Variants in FRMD4B observed in about 807,000 individuals in gnomAD.
FRMD4B encodes FERM domain containing 4B.
A neutral mutation model predicts 141.5 loss-of-function variants in FRMD4B; 74 were observed. The observed-to-expected ratio is 0.52, with a 90% CI of 0.43 to 0.63. The LOEUF is 0.63. Among genes scored for constraint, FRMD4B ranks in the 30% least tolerant of loss-of-function variants. The probability of loss-of-function intolerance (pLI) is 0.00; values close to 1 mark genes in which losing one functional copy is unlikely to be tolerated. For synonymous variants in FRMD4B, 506 were observed against 467.9 expected (o/e 1.08, Z -1.05); for missense variants, 1,366 against 1,253.4 (o/e 1.09, Z -1.36).
chr3:69,530,700 C>T (rs751029405), intron 1 of FRMD4B, among the ~76,000 whole-genome samples: 17 of 152,190 alleles, frequency 1.1e-4, no homozygotes, highest in Non-Finnish European at 1.9e-4. Context: ...CCTCTGACTG[C>T]AAGTTTCTTG....
At chr3:69,204,554 T>A (rs1332101244) in intron 11 of FRMD4B, among the ~76,000 whole-genome samples, 1 of 152,228 alleles carries the variant, frequency 6.6e-6, no homozygotes, top group Non-Finnish European at 1.5e-5. Context: ...TATTGATTTA[T>A]TCTTTTTTCA....
chr3:69,335,355 T>C (rs560570084), intron 1 of FRMD4B, among the ~76,000 whole-genome samples: 119 of 145,950 alleles, frequency 8.2e-4, no homozygotes, highest in Non-Finnish European at 1.6e-3. Flanking sequence ...TGCATAACTT[T>C]TTTTTTTCAT....
Position 69,489,561 on chromosome 3 carries a change from G to A in FRMD4B, c.-129+52645C>T, listed in dbSNP as rs945638367. ...TTGCTACTTTATACCCACTAGAATGGCTATAATAAAAAAGACAGATAATAA... is the reference window on the plus strand; with the variant it reads ...TTGCTACTTTATACCCACTAGAATGACTATAATAAAAAAGACAGATAATAA... On this transcript the variant is annotated intron_variant, in intron 1 of 5. Transcript: ENST00000459638. Among the ~76,000 whole-genome samples, 3 of 152,046 alleles carry A rather than the reference G, an allele frequency of 2.0e-5. No individual in the cohort carries two copies. In the East Asian group the frequency reaches 5.8e-4, roughly 29 times the overall value.
rs558265100 is a variant in FRMD4B, at chr3:69,229,724, T to C, written c.582-5034A>G. Among the ~76,000 whole-genome samples, 6 of 152,268 alleles carry C rather than the reference T, an allele frequency of 3.9e-5. No individual in the cohort carries two copies. In the East Asian group the frequency reaches 9.6e-4, roughly 24 times the overall value. On this transcript the variant is annotated intron_variant, in intron 7 of 22. Transcript: ENST00000398540. Reference sequence around the variant, plus strand: ...AATTAAATCCTCAATTAATTACCAATACACAATGGAGTCTCACTCTGTCGC... The same window carrying C: ...AATTAAATCCTCAATTAATTACCAACACACAATGGAGTCTCACTCTGTCGC...
At chr3:69,483,380 G>A (rs1575586725) in intron 1 of FRMD4B, among the ~76,000 whole-genome samples, 2 of 152,286 alleles carry the variant, frequency 1.3e-5, no homozygotes, top group East Asian at 3.9e-4. Context: ...CTTATGAAGT[G>A]CTTACACTGA....
At chr3:69,428,024 T>C (rs1218548821) in intron 2 of FRMD4B, among the ~76,000 whole-genome samples, 3 of 152,108 alleles carry the variant, frequency 2.0e-5, no homozygotes, top group African/African-American at 7.2e-5. Context: ...ATATTTCAAG[T>C]TAACAAGCAT....
At chr3:69,487,280 T>A (rs528332792) in intron 1 of FRMD4B, among the ~76,000 whole-genome samples, 6 of 152,328 alleles carry the variant, frequency 3.9e-5, no homozygotes, top group Admixed American at 3.9e-4. Flanking sequence ...TAACTTTAAA[T>A]CTTCAAAAGC....
Position 69,541,795 on chromosome 3 carries a change from C to A in FRMD4B, c.-129+411G>T, listed in dbSNP as rs115639029. On this transcript the variant is annotated intron_variant, in intron 1 of 5. Coordinates refer to the FRMD4B transcript ENST00000459638. ...TCTGCTAACTCCAGGGATTTCCCCCCCCTCTTTTCGCTGCCTTTTAGAAGT... is the reference window on the plus strand; with the variant it reads ...TCTGCTAACTCCAGGGATTTCCCCCACCTCTTTTCGCTGCCTTTTAGAAGT... Among the ~76,000 whole-genome samples, 1,058 of 151,652 alleles carry A rather than the reference C, an allele frequency of 7.0e-3. 10 individuals carry two copies. Among genetic ancestry groups the A allele is most frequent in the African/African-American group, 0.025 (1,022 of 41,390 alleles).
intron 7 of FRMD4B, among the ~76,000 whole-genome samples, chr3:69,246,292 C>CA (rs1047540852): frequency 1.3e-5 from 2 of 151,854 alleles, no homozygotes; most frequent in African/African-American, 4.8e-5. Context: ...CCTGTTTCTA[C>CA]AAAAAATACA....
intron 1 of FRMD4B, among the ~76,000 whole-genome samples, chr3:69,357,274 C>T (rs559550743): frequency 3.8e-4 from 58 of 152,326 alleles, no homozygotes; most frequent in African/African-American, 1.3e-3. Flanking sequence ...AAAGCTGATG[C>T]TATATCCAAC....
intron 8 of FRMD4B, among the ~76,000 whole-genome samples, chr3:69,223,414 C>T (rs1242886408): frequency 6.6e-6 from 1 of 152,058 alleles, no homozygotes; most frequent in Non-Finnish European, 1.5e-5. Context: ...ATTTGGGATA[C>T]TGAAGCAGGA....
At chr3:69,416,756 G>C (rs929516945) in intron 2 of FRMD4B, among the ~76,000 whole-genome samples, 2 of 152,088 alleles carry the variant, frequency 1.3e-5, no homozygotes, top group African/African-American at 2.4e-5. Context: ...CTGTGTCCAG[G>C]TGTTCTCATT....
At chr3:69,514,420 T>C (rs1700715454) in intron 1 of FRMD4B, among the ~76,000 whole-genome samples, 1 of 152,066 alleles carries the variant, frequency 6.6e-6, no homozygotes, top group African/African-American at 2.4e-5. Context: ...CCAAGTTCAG[T>C]GGCTCATGCC....
chr3:69,452,100 G>A (rs1354970310), intron 1 of FRMD4B, among the ~76,000 whole-genome samples: 1 of 152,250 alleles, frequency 6.6e-6, no homozygotes, highest in Non-Finnish European at 1.5e-5. Flanking sequence ...AATGGTAGGA[G>A]GAAGAAGCAT....
intron 1 of FRMD4B, among the ~76,000 whole-genome samples, chr3:69,491,477 G>C (rs1366741909): frequency 6.6e-6 from 1 of 152,048 alleles, no homozygotes; most frequent in Non-Finnish European, 1.5e-5. Context: ...GCTAGTGAGA[G>C]AATCAACACA....
At chr3:69,285,074 A>T (rs1227955569) in intron 5 of FRMD4B, among the ~76,000 whole-genome samples, 1 of 152,164 alleles carries the variant, frequency 6.6e-6, no homozygotes, top group Admixed American at 6.6e-5. Context: ...GAGGCAGGAG[A>T]ATCACTTCAA....
chr3:69,341,815 A>T (rs1029118762), intron 1 of FRMD4B, among the ~76,000 whole-genome samples: 1 of 152,198 alleles, frequency 6.6e-6, no homozygotes, highest in Non-Finnish European at 1.5e-5. Flanking sequence ...CCATGAGAGG[A>T]TATAGCAAGA....
intron 1 of FRMD4B, among the ~76,000 whole-genome samples, chr3:69,343,907 G>A (rs934588807): frequency 6.6e-6 from 1 of 152,074 alleles, no homozygotes; most frequent in African/African-American, 2.4e-5. Flanking sequence ...TACTCCCCAA[G>A]AGTGAGTTGC....
chr3:69,472,312 T>C (rs1236962007), intron 1 of FRMD4B: 1 of 431,922 alleles, frequency 2.3e-6, no homozygotes, highest in Non-Finnish European at 4.6e-6. Flanking sequence ...TTTTTTTTTC[T>C]TTGCATATTA....
Sources: gnomAD v4.1 joint callset for allele counts (sites outside exome capture counted in the v4.1 genomes callset) on GRCh38, gnomAD v4.1.1 for gene constraint, MANE v1.5 for transcripts, NCBI Gene and HGNC (gene_info 2026-07-23, HGNC 2026-07-21) for gene names.